The following SLC8A1 variants were observed in gnomAD, a reference collection of about 807,000 sequenced individuals.
SLC8A1 encodes the protein solute carrier family 8 member A1, also known as sodium/calcium exchanger 1.
A neutral mutation model predicts 68.3 loss-of-function variants in SLC8A1; 18 were observed. That is an observed-to-expected ratio of 0.26 (90% CI 0.18 to 0.39). The LOEUF is 0.39. Among genes scored for constraint, SLC8A1 ranks in the 10% least tolerant of loss-of-function variants. The pLI, the probability that SLC8A1 is intolerant of heterozygous loss-of-function variation, is 1.00. For missense variants in SLC8A1, 985 were observed against 1,156.7 expected (o/e 0.85, Z 2.15); for synonymous variants, 475 against 415.5 (o/e 1.14, Z -1.74).
At chr2:40,371,411 A>T (rs1678006003) in intron 2 of SLC8A1, among the ~76,000 whole-genome samples, 1 of 152,102 alleles carries the variant, frequency 6.6e-6, no homozygotes, top group Admixed American at 6.6e-5. Context: ...CATGGATCTG[A>T]CAGGGAAAAT....
chr2:40,375,328 G>T (rs1679460289), intron 2 of SLC8A1, among the ~76,000 whole-genome samples: 1 of 151,986 alleles, frequency 6.6e-6, no homozygotes, highest in African/African-American at 2.4e-5. Flanking sequence ...TCTTCCTGTT[G>T]GTTTGTTTGG....
chr2:40,381,383 T>C (rs1415375428), intron 2 of SLC8A1, among the ~76,000 whole-genome samples: 1 of 152,092 alleles, frequency 6.6e-6, no homozygotes, highest in Non-Finnish European at 1.5e-5. Flanking sequence ...ACAAGATTCC[T>C]AGTATCTTAG....
chr2:40,140,302 A>G lies in SLC8A1; in HGVS notation c.2162-626T>C, dbSNP rs371531241. Among the ~76,000 whole-genome samples, 32 of 152,178 alleles carry G rather than the reference A, an allele frequency of 2.1e-4. 1 individual carries two copies. The highest frequency in any genetic ancestry group is 1.9e-4 in the East Asian group (1 of 5,192). On this transcript the variant is annotated intron_variant, in intron 6 of 7. Coordinates refer to ENST00000406785, the Ensembl canonical transcript of SLC8A1. ...TTCCAAACCAGATACACTTTCTCCT[A>G]CTTTTGTTCTTTAGAACTAAATGTG... is the stretch of plus-strand genomic sequence containing the variant.
chr2:40,239,392 A>G (rs114955336), intron 2 of SLC8A1, among the ~76,000 whole-genome samples: 2,176 of 152,286 alleles, frequency 0.014, 59 homozygotes, highest in African/African-American at 0.049. Flanking sequence ...TTCTATTGAC[A>G]TGAGGTGAAT....
At chr2:40,332,868 CA>C (rs1407470056) in intron 2 of SLC8A1, among the ~76,000 whole-genome samples, 2 of 152,178 alleles carry the variant, frequency 1.3e-5, no homozygotes, top group Non-Finnish European at 2.9e-5. Context: ...CCTTTTGACC[CA>C]AATGGCATGG....
intron 2 of SLC8A1, among the ~76,000 whole-genome samples, chr2:40,287,168 C>T (rs550398074): frequency 2.6e-5 from 4 of 152,280 alleles, no homozygotes; most frequent in African/African-American, 9.6e-5. Context: ...ACCAGTCTGT[C>T]AGTAAATATT....
intron 6 of SLC8A1, 129 bp from the exon 10 acceptor site, chr2:40,139,805 GT>G: frequency 1.1e-6 from 1 of 899,182 alleles, no homozygotes; most frequent in Non-Finnish European, 1.7e-6. Context: ...GGTGGGTGAA[GT>G]TTAGGGTTTT....
At chr2:40,233,226 G>C (rs913234091) in intron 2 of SLC8A1, among the ~76,000 whole-genome samples, 4 of 152,126 alleles carry the variant, frequency 2.6e-5, no homozygotes, top group Non-Finnish European at 5.9e-5. Context: ...CAGTGTAAAA[G>C]TGTTCCTATT....
intron 2 of SLC8A1, among the ~76,000 whole-genome samples, chr2:40,424,593 A>G (rs998344981): frequency 1.3e-5 from 2 of 151,850 alleles, no homozygotes; most frequent in African/African-American, 4.8e-5. Flanking sequence ...TTACAACTAC[A>G]CTGAAAAATA....
At chr2:40,135,030 T>C (rs928910217) in intron 7 of SLC8A1, among the ~76,000 whole-genome samples, 55 of 152,256 alleles carry the variant, frequency 3.6e-4, no homozygotes, top group African/African-American at 1.2e-3. Context: ...ACAGCCAGTC[T>C]TGTGTAAATG....
chr2:40,500,307 T>C (rs1296733306), intron 1 of SLC8A1, among the ~76,000 whole-genome samples: 1 of 152,090 alleles, frequency 6.6e-6, no homozygotes, highest in African/African-American at 2.4e-5. Flanking sequence ...GTTCCACTCA[T>C]ATTGTGTTTC....
At chr2:40,283,659 G>A (rs534052892) in intron 2 of SLC8A1, among the ~76,000 whole-genome samples, 5 of 152,292 alleles carry the variant, frequency 3.3e-5, no homozygotes, top group African/African-American at 9.6e-5. Flanking sequence ...TGCTTGAAAC[G>A]CATCAAAGTC....
intron 1 of SLC8A1, among the ~76,000 whole-genome samples, chr2:40,450,976 GA>G (rs948984376): frequency 1.3e-5 from 2 of 151,548 alleles, no homozygotes; most frequent in Non-Finnish European, 2.9e-5. Context: ...TGGTGGGGGG[GA>G]TAGAGAAGAG....
chr2:40,203,886 A>AT (rs60592471), intron 2 of SLC8A1, among the ~76,000 whole-genome samples: 7 of 151,432 alleles, frequency 4.6e-5, no homozygotes, highest in Non-Finnish European at 7.4e-5. Context: ...TTAATTAAAA[A>AT]TTTTTTTTTT....
chr2:40,372,883 C>G (rs951163744), intron 2 of SLC8A1, among the ~76,000 whole-genome samples: 1 of 152,004 alleles, frequency 6.6e-6, no homozygotes, highest in Non-Finnish European at 1.5e-5. Flanking sequence ...AGCAAATTGC[C>G]TCACTCTACT....
intron 2 of SLC8A1, among the ~76,000 whole-genome samples, chr2:40,203,267 G>A (rs932410807): frequency 6.6e-6 from 1 of 151,956 alleles, no homozygotes; most frequent in Non-Finnish European, 1.5e-5. Context: ...GCTTTCATCA[G>A]CTAATGGGTA....
chr2:40,410,165 A>C (rs1198481511), intron 2 of SLC8A1, among the ~76,000 whole-genome samples: 1 of 152,106 alleles, frequency 6.6e-6, no homozygotes, highest in Non-Finnish European at 1.5e-5. Flanking sequence ...TTAGACAATA[A>C]ATCTTGGAAA....
At chr2:40,174,539 C>A (rs1225396180) in intron 4 of SLC8A1, among the ~76,000 whole-genome samples, 167 bp downstream of exon 6, 1 of 152,048 alleles carries the variant, frequency 6.6e-6, no homozygotes, top group Admixed American at 6.6e-5. Flanking sequence ...CTTATAAACA[C>A]AACACACACA....
At chr2:40,396,775 A>AAAAAAAAAAAAC (rs1687094820) in intron 2 of SLC8A1, among the ~76,000 whole-genome samples, 1 of 134,144 alleles carries the variant, frequency 7.5e-6, no homozygotes, top group African/African-American at 2.6e-5. Context: ...AAAAAAAAAA[A>AAAAAAAAAAAAC]AACAAGAGAA....
Sources: allele counts gnomAD v4.1 joint callset (sites outside exome capture counted in the v4.1 genomes callset), GRCh38; gene constraint gnomAD v4.1.1; transcripts MANE v1.5; gene names NCBI Gene and HGNC (gene_info 2026-07-23, HGNC 2026-07-21).